GLO1: variants seen among roughly 807,000 people sequenced by gnomAD.
GLO1 encodes the protein lactoylglutathione lyase.
GLO1 carries 28 observed loss-of-function variants against 26.0 expected under a neutral mutation model. The observed-to-expected ratio is 1.08, with a 90% CI of 0.80 to 1.48. The LOEUF is 1.48. Ranked by LOEUF, GLO1 falls within the 40% of genes most tolerant of loss-of-function variation. The pLI, the probability that GLO1 is intolerant of heterozygous loss-of-function variation, is 0.00. For synonymous variants in GLO1, 78 were observed against 77.6 expected (o/e 1.00, Z -0.03); for missense variants, 225 against 224.8 (o/e 1.00, Z -0.01).
chr6:38,698,699 G>A (rs1036301891), intron 1 of GLO1, among the ~76,000 whole-genome samples: 1 of 109,784 alleles, frequency 9.1e-6, no homozygotes, highest in Non-Finnish European at 1.7e-5. Flanking sequence ...TCTCTCTGTT[G>A]CCAGGAGAAT....
intron 1 of GLO1, among the ~76,000 whole-genome samples, chr6:38,701,167 G>A (rs1033843394): frequency 6.8e-5 from 10 of 147,528 alleles, no homozygotes; most frequent in African/African-American, 2.4e-4. Context: ...GTGGAGGTTG[G>A]AAGTGTGGGG....
intron 4 of GLO1, among the ~76,000 whole-genome samples, 188 bp from the exon 5 acceptor site, chr6:38,682,289 G>A (rs1421880922): frequency 6.6e-6 from 1 of 152,174 alleles, no homozygotes; most frequent in Non-Finnish European, 1.5e-5. Flanking sequence ...CTGGGTATAA[G>A]TAGTTAATTA....
intron 5 of GLO1, among the ~76,000 whole-genome samples, chr6:38,680,750 G>A (rs1196429384): frequency 6.6e-6 from 1 of 152,040 alleles, no homozygotes; most frequent in Non-Finnish European, 1.5e-5. Flanking sequence ...AATTAGCTGG[G>A]TGTGGTGGCA....
intron 1 of GLO1, among the ~76,000 whole-genome samples, chr6:38,691,464 A>G (rs571764862): frequency 3.2e-4 from 48 of 152,052 alleles, no homozygotes; most frequent in Non-Finnish European, 4.7e-4. Flanking sequence ...ACCAGCCACC[A>G]CGCCCAGCTA....
At chr6:38,694,282 G>T (rs936337885) in intron 1 of GLO1, among the ~76,000 whole-genome samples, 2 of 152,006 alleles carry the variant, frequency 1.3e-5, no homozygotes, top group Admixed American at 1.3e-4. Context: ...GTTGTTGTTC[G>T]GTAGAACATT....
Position 38,703,135 on chromosome 6 carries a change from TA to T in GLO1, c.-82del. 5 of 829,252 alleles carry T rather than the reference TA, an allele frequency of 6.0e-6. No individual in the cohort carries two copies. Among genetic ancestry groups the T allele is most frequent in the Non-Finnish European group, 7.7e-6 (4 of 518,438 alleles). The allele number at this position is 829,252 out of a possible 1,614,324, so 51.4% of individuals were successfully genotyped here. On this transcript the variant is annotated 5_prime_UTR_variant, in exon 1 of 6. Transcript: ENST00000373365. The stretch of plus-strand genomic sequence containing the variant: ...ACTACGCCTCGGCCCTGTGCCGCCT[TA>T]ACTAGGAATGGCGCGATGGCGCCGC...
chr6:38,685,288 G>C (rs140845606), intron 2 of GLO1, among the ~76,000 whole-genome samples: 1 of 152,304 alleles, frequency 6.6e-6, no homozygotes. Context: ...ACGCTTCTCT[G>C]AGGGGAAAGA....
chr6:38,687,574 G>C (rs2127547055), intron 1 of GLO1, among the ~76,000 whole-genome samples: 1 of 152,204 alleles, frequency 6.6e-6, no homozygotes, highest in Non-Finnish European at 1.5e-5. Context: ...TAACTAAAAG[G>C]GTAAAAAGTT....
At chr6:38,694,569 C>T (rs1178793434) in intron 1 of GLO1, among the ~76,000 whole-genome samples, 1 of 151,956 alleles carries the variant, frequency 6.6e-6, no homozygotes, top group Non-Finnish European at 1.5e-5. Flanking sequence ...GCCCCAGCTC[C>T]TTGGGAGGCT....
rs116205841 is a variant in GLO1 at position 38,691,714 on chromosome 6, A to G, written c.85-4740T>C. ...GTGAGGCAAGGATGTGAACCAAAGGATTAAGGCCCCTTTAAGCACCAGTAA... is the reference window on the plus strand; with the variant it reads ...GTGAGGCAAGGATGTGAACCAAAGGGTTAAGGCCCCTTTAAGCACCAGTAA... On this transcript the variant is annotated intron_variant, in intron 1 of 5. Coordinates refer to ENST00000373365, the MANE Select transcript of GLO1 (RefSeq NM_006708.3). Among the ~76,000 whole-genome samples, 1,316 of 151,902 alleles carry G rather than the reference A, an allele frequency of 8.7e-3. 20 individuals are homozygous for G. The highest frequency in any genetic ancestry group is 0.03 in the African/African-American group (1,255 of 41,316).
chr6:38,679,518 G>A lies in GLO1; in HGVS notation c.467-2135C>T, dbSNP rs190985242. Among the ~76,000 whole-genome samples the A allele has an allele frequency of 1.2e-4, 19 of 152,208 alleles. No homozygotes were observed. In the East Asian group the frequency reaches 1.5e-3, roughly 12 times the overall value. ...AGACATGTAAAAGTAATGACCGGCC[G>A]GGTGTGGTGGTTCACATCTGTAATC... On this transcript the variant is annotated intron_variant, in intron 5 of 5. Coordinates refer to ENST00000373365, the MANE Select transcript of GLO1 (RefSeq NM_006708.3).
intron 3 of GLO1, chr6:38,683,180 AG>A: frequency 4.1e-6 from 1 of 245,658 alleles, no homozygotes; most frequent in Non-Finnish European, 7.9e-6. Context: ...TCCATGGGCT[AG>A]GTGTGAACAT....
chr6:38,690,626 T>C (rs1761516293), intron 1 of GLO1, among the ~76,000 whole-genome samples: 1 of 152,186 alleles, frequency 6.6e-6, no homozygotes, highest in Non-Finnish European at 1.5e-5. Context: ...AAAATTAATG[T>C]TACAGACTTT....
intron 5 of GLO1, among the ~76,000 whole-genome samples, chr6:38,678,695 CTG>C (rs1168954611): frequency 1.3e-5 from 2 of 152,234 alleles, no homozygotes; most frequent in Non-Finnish European, 2.9e-5. Context: ...TTGTGAGAAA[CTG>C]AGAAAAACTG....
chr6:38,693,685 C>CTCTA (rs869232489), intron 1 of GLO1, among the ~76,000 whole-genome samples: 1,689 of 86,308 alleles, frequency 0.02, 21 homozygotes, highest in Admixed American at 0.029. Flanking sequence ...CTCTCTCTCT[C>CTCTA]TATATATATA....
chr6:38,679,575 C>T (rs1761336738), intron 5 of GLO1, among the ~76,000 whole-genome samples: 1 of 152,076 alleles, frequency 6.6e-6, no homozygotes, highest in Non-Finnish European at 1.5e-5. Flanking sequence ...GCAGAAGGAT[C>T]ACTTGAGGCC....
At chr6:38,678,944 G>A (rs1477586161) in intron 5 of GLO1, among the ~76,000 whole-genome samples, 2 of 152,132 alleles carry the variant, frequency 1.3e-5, no homozygotes, top group African/African-American at 4.8e-5. Flanking sequence ...TAAGGACAGG[G>A]ATCTGGCCAT....
intron 2 of GLO1, 26 bp downstream of exon 2, chr6:38,686,866 A>T: frequency 8.4e-7 from 1 of 1,188,590 alleles, no homozygotes; most frequent in Non-Finnish European, 1.3e-6. Context: ...TTTAAACATT[A>T]AGGTGCCAAT....
intron 3 of GLO1, among the ~76,000 whole-genome samples, chr6:38,683,607 G>T (rs1761415655): frequency 6.6e-6 from 1 of 152,210 alleles, no homozygotes; most frequent in Non-Finnish European, 1.5e-5. Context: ...ACAAATGGAG[G>T]CCGGGCGTGG....
Sources: allele counts gnomAD v4.1 joint callset (sites outside exome capture counted in the v4.1 genomes callset), GRCh38; gene constraint gnomAD v4.1.1; transcripts MANE v1.5; gene names NCBI Gene and HGNC (gene_info 2026-07-23, HGNC 2026-07-21).